DENND1A: variants seen among roughly 807,000 people sequenced by gnomAD.
DENND1A encodes DENN domain-containing protein 1A.
DENND1A carries 51 observed loss-of-function variants against 113.7 expected under a neutral mutation model. The ratio of observed to expected loss-of-function variants is 0.45; its 90% CI spans 0.36 to 0.57. The LOEUF is 0.57. Among genes scored for constraint, DENND1A ranks in the 20% least tolerant of loss-of-function variants. The pLI is 0.00. For synonymous variants in DENND1A, 565 were observed against 570.8 expected (o/e 0.99, Z 0.14); for missense variants, 1,258 against 1,395.9 (o/e 0.90, Z 1.57).
chr9:123,798,101 C>A, intron 2 of DENND1A, among the ~76,000 whole-genome samples: 1 of 152,154 alleles, frequency 6.6e-6, no homozygotes, highest in Non-Finnish European at 1.5e-5. Flanking sequence ...CAATTTTTAA[C>A]CATGAGTCTA....
chr9:123,600,699 T>C (rs997733744), intron 11 of DENND1A, among the ~76,000 whole-genome samples: 1 of 152,102 alleles, frequency 6.6e-6, no homozygotes, highest in African/African-American at 2.4e-5. Context: ...GGTGTGGTGG[T>C]GCACACCTGT....
chr9:123,760,882 T>C (rs1393913557), intron 4 of DENND1A, among the ~76,000 whole-genome samples: 1 of 152,146 alleles, frequency 6.6e-6, no homozygotes, highest in Non-Finnish European at 1.5e-5. Context: ...AAGTTACAAA[T>C]AAGGTTGTGC....
chr9:123,543,581 C>G (rs1415420897), intron 13 of DENND1A, among the ~76,000 whole-genome samples: 1 of 152,230 alleles, frequency 6.6e-6, no homozygotes. Context: ...CTCAGCCACG[C>G]TCCTTCTGTC....
chr9:123,414,801 A>C (rs1442174065), intron 19 of DENND1A, among the ~76,000 whole-genome samples: 2 of 152,108 alleles, frequency 1.3e-5, no homozygotes, highest in Non-Finnish European at 2.9e-5. Flanking sequence ...CCACCTCCGC[A>C]ATCTCATCTC....
intron 19 of DENND1A, among the ~76,000 whole-genome samples, chr9:123,432,790 CT>C (rs1370485074): frequency 6.6e-6 from 1 of 152,252 alleles, no homozygotes; most frequent in Non-Finnish European, 1.5e-5. Context: ...ATAGCCCCTT[CT>C]TTCCACATGT....
At chr9:123,642,190 A>T (rs2062067091) in intron 9 of DENND1A, among the ~76,000 whole-genome samples, 1 of 152,244 alleles carries the variant, frequency 6.6e-6, no homozygotes, top group Non-Finnish European at 1.5e-5. Flanking sequence ...ACCAATTCAC[A>T]CATAATTAAA....
intron 10 of DENND1A, among the ~76,000 whole-genome samples, chr9:123,626,356 G>A (rs933242036): frequency 6.6e-6 from 1 of 151,954 alleles, no homozygotes; most frequent in African/African-American, 2.4e-5. Context: ...TGTGTGTCTG[G>A]GGGGAGAGGG....
intron 13 of DENND1A, among the ~76,000 whole-genome samples, chr9:123,552,027 G>GAGAGAGAGAC (rs879357020): frequency 0.023 from 3,331 of 142,836 alleles, 70 homozygotes; most frequent in Non-Finnish European, 0.032. Context: ...GCGAGAGAGA[G>GAGAGAGAGAC]AGAGAGAGAG....
At chr9:123,644,392 A>C (rs1360005281) in intron 9 of DENND1A, among the ~76,000 whole-genome samples, 1 of 148,676 alleles carries the variant, frequency 6.7e-6, no homozygotes. Flanking sequence ...AAAAAAAAAA[A>C]AAAAAAAAAA....
chr9:123,613,589 C>A (rs1381647807), intron 10 of DENND1A, among the ~76,000 whole-genome samples: 2 of 152,212 alleles, frequency 1.3e-5, no homozygotes, highest in Non-Finnish European at 2.9e-5. Flanking sequence ...TTCTCCAGAG[C>A]CTTTTAGCAT....
At chr9:123,750,481 A>G (rs1469081033) in intron 5 of DENND1A, among the ~76,000 whole-genome samples, 8 of 152,216 alleles carry the variant, frequency 5.3e-5, no homozygotes, top group African/African-American at 1.9e-4. Context: ...CCTAGGAAAG[A>G]GCAGACTCCC....
intron 2 of DENND1A, among the ~76,000 whole-genome samples, chr9:123,846,560 G>T (rs1231394983): frequency 6.6e-6 from 1 of 152,142 alleles, no homozygotes; most frequent in Non-Finnish European, 1.5e-5. Context: ...CATGAATAAA[G>T]CTTGAAAACA....
At chr9:123,408,729 C>G (rs1217788936) in intron 20 of DENND1A, among the ~76,000 whole-genome samples, 1 of 152,194 alleles carries the variant, frequency 6.6e-6, no homozygotes, top group Non-Finnish European at 1.5e-5. Flanking sequence ...GCTGCTACTC[C>G]GTGTCTCTCA....
chr9:123,663,882 C>G (rs1275303675), intron 8 of DENND1A, among the ~76,000 whole-genome samples: 1 of 151,740 alleles, frequency 6.6e-6, no homozygotes, highest in Non-Finnish European at 1.5e-5. Flanking sequence ...ACTTCTGTCT[C>G]AAACAAAGTA....
intron 13 of DENND1A, among the ~76,000 whole-genome samples, chr9:123,472,116 G>A (rs1206213869): frequency 6.6e-6 from 1 of 152,198 alleles, no homozygotes; most frequent in Non-Finnish European, 1.5e-5. Flanking sequence ...AGGTGCTCAG[G>A]GGAGATCAAC....
intron 19 of DENND1A, among the ~76,000 whole-genome samples, chr9:123,419,634 C>T (rs112841105): frequency 0.018 from 2,782 of 152,338 alleles, 42 homozygotes; most frequent in Admixed American, 0.027. Context: ...GCCTCTGCGC[C>T]GAGAGCAAGG....
At chr9:123,414,483 C>T (rs2044561143) in intron 19 of DENND1A, 1 of 1,530,972 alleles carries the variant, frequency 6.5e-7, no homozygotes, top group Admixed American at 2.1e-5. Flanking sequence ...CTGAGAAACA[C>T]CATCCTGGGA....
intron 5 of DENND1A, among the ~76,000 whole-genome samples, chr9:123,678,117 C>T (rs1002530783): frequency 2.6e-5 from 4 of 152,158 alleles, no homozygotes; most frequent in Non-Finnish European, 5.9e-5. Flanking sequence ...CATGAGAATG[C>T]TGCTCTCAGA....
At chr9:123,663,185 C>A (rs934029397) in intron 8 of DENND1A, among the ~76,000 whole-genome samples, 7 of 152,096 alleles carry the variant, frequency 4.6e-5, no homozygotes, top group Admixed American at 4.6e-4. Context: ...TAGATATGAA[C>A]ACTTTTTAGA....
Sources: gnomAD v4.1 joint callset for allele counts (sites outside exome capture counted in the v4.1 genomes callset) on GRCh38, gnomAD v4.1.1 for gene constraint, MANE v1.5 for transcripts, NCBI Gene and HGNC (gene_info 2026-07-23, HGNC 2026-07-21) for gene names.